Variants in EIF4G3 observed in about 807,000 individuals in gnomAD.
EIF4G3 encodes eukaryotic translation initiation factor 4 gamma 3.
A neutral mutation model predicts 186.4 loss-of-function variants in EIF4G3; 34 were observed. The observed-to-expected ratio is 0.18, with a 90% CI of 0.14 to 0.24. EIF4G3 has a LOEUF of 0.24. Ranked by LOEUF, EIF4G3 falls within the 10% of genes least tolerant of loss-of-function variation. The pLI is 1.00. For missense variants in EIF4G3, 1,536 were observed against 1,948.5 expected, an observed-to-expected ratio of 0.79 and a Z score of 3.99; for synonymous variants, 673 against 679.5, an observed-to-expected ratio of 0.99 and a Z score of 0.15.
At chr1:21,024,984 G>A (rs1219684913) in intron 4 of EIF4G3, among the ~76,000 whole-genome samples, 1 of 152,118 alleles carries the variant, frequency 6.6e-6, no homozygotes. Context: ...TTCTTCCTGG[G>A]AGAAGAGTTC....
At chr1:21,026,299 G>C (rs987948566) in intron 4 of EIF4G3, among the ~76,000 whole-genome samples, 20 of 152,104 alleles carry the variant, frequency 1.3e-4, no homozygotes. Context: ...ATGGGGAAAG[G>C]ACATTTTCAA....
At chr1:21,075,064 A>C (rs1255050287) in intron 3 of EIF4G3, among the ~76,000 whole-genome samples, 2 of 152,220 alleles carry the variant, frequency 1.3e-5, no homozygotes, top group Non-Finnish European at 2.9e-5. Context: ...GAAAACCAAC[A>C]AACTGAAATA....
chr1:20,891,495 G>A (rs751646895), intron 18 of EIF4G3, among the ~76,000 whole-genome samples: 9 of 151,888 alleles, frequency 5.9e-5, no homozygotes, highest in Non-Finnish European at 1.3e-4. Context: ...AAAATGGGCC[G>A]GGCACAGTGG....
intron 19 of EIF4G3, among the ~76,000 whole-genome samples, chr1:20,882,578 G>A (rs989657668): frequency 9.3e-5 from 14 of 150,736 alleles, no homozygotes; most frequent in Non-Finnish European, 1.3e-4. Flanking sequence ...CTGAGATCGC[G>A]TCACTGTACT....
At chr1:21,143,015 G>A (rs1331088533) in intron 2 of EIF4G3, among the ~76,000 whole-genome samples, 2 of 152,194 alleles carry the variant, frequency 1.3e-5, no homozygotes, top group East Asian at 1.9e-4. Context: ...CTGGGAGGCC[G>A]AGACAGGCAG....
chr1:20,912,612 C>A (rs12068655), intron 14 of EIF4G3, among the ~76,000 whole-genome samples: 3,378 of 152,274 alleles, frequency 0.022, 114 homozygotes, highest in African/African-American at 0.075. Flanking sequence ...GGTGCATTGC[C>A]ACAGAGTTGT....
At chr1:20,977,479 A>C (rs1177964020) in intron 10 of EIF4G3, among the ~76,000 whole-genome samples, 1 of 152,082 alleles carries the variant, frequency 6.6e-6, no homozygotes, top group Non-Finnish European at 1.5e-5. Context: ...GAGCCACCAC[A>C]CCCGGCCTTT....
At chr1:20,945,503 T>C (rs1054909020) in intron 13 of EIF4G3, among the ~76,000 whole-genome samples, 1 of 152,230 alleles carries the variant, frequency 6.6e-6, no homozygotes, top group African/African-American at 2.4e-5. Flanking sequence ...TCTTGCTCTG[T>C]CGCCTAGGCT....
intron 2 of EIF4G3, among the ~76,000 whole-genome samples, chr1:21,167,085 G>A (rs1018078339): frequency 4.6e-5 from 7 of 152,064 alleles, no homozygotes; most frequent in Admixed American, 3.9e-4. Context: ...ACCTGGCCAA[G>A]TTCTCCGACC....
intron 19 of EIF4G3, among the ~76,000 whole-genome samples, chr1:20,880,553 C>T (rs1425103965): frequency 6.6e-6 from 1 of 152,168 alleles, no homozygotes; most frequent in Non-Finnish European, 1.5e-5. Context: ...AGGTTCGAGA[C>T]CAGCCTGGCC....
chr1:20,943,457 T>C (rs1251484679), intron 13 of EIF4G3, among the ~76,000 whole-genome samples: 1 of 152,150 alleles, frequency 6.6e-6, no homozygotes, highest in Non-Finnish European at 1.5e-5. Flanking sequence ...TATTAATAAA[T>C]TCCAGGTAAA....
chr1:21,134,965 T>C (rs931091557), intron 2 of EIF4G3, among the ~76,000 whole-genome samples: 1 of 152,188 alleles, frequency 6.6e-6, no homozygotes, highest in African/African-American at 2.4e-5. Flanking sequence ...TCAAACCAGA[T>C]GTGCCACTTT....
chr1:20,920,767 G>T (rs973334856), intron 14 of EIF4G3, among the ~76,000 whole-genome samples: 3 of 151,322 alleles, frequency 2.0e-5, no homozygotes, highest in Non-Finnish European at 4.4e-5. Flanking sequence ...ATTAACCTCA[G>T]TTCTGGGCCT....
At chr1:20,849,631 T>C (rs2072593254) in intron 28 of EIF4G3, 101 bp from the exon 29 acceptor site, 2 of 502,082 alleles carry the variant, frequency 4.0e-6, no homozygotes, top group Non-Finnish European at 7.0e-6. Context: ...ATTATTTTAA[T>C]AGCTACAAGA....
intron 14 of EIF4G3, among the ~76,000 whole-genome samples, chr1:20,934,532 A>G (rs1284905471): frequency 2.0e-5 from 3 of 152,152 alleles, no homozygotes; most frequent in Admixed American, 2.0e-4. Context: ...CAGTGTCCTC[A>G]ATGTTCTCAA....
At chr1:20,858,228 G>T (rs2075503745) in intron 24 of EIF4G3, among the ~76,000 whole-genome samples, 1 of 152,120 alleles carries the variant, frequency 6.6e-6, no homozygotes, top group Non-Finnish European at 1.5e-5. Flanking sequence ...CAGAGAAAAA[G>T]AGAAGATTCC....
At chr1:21,157,348 G>A (rs187999411) in intron 2 of EIF4G3, among the ~76,000 whole-genome samples, 14 of 151,690 alleles carry the variant, frequency 9.2e-5, no homozygotes, top group Non-Finnish European at 1.8e-4. Context: ...TGAGAGTACT[G>A]TTTTTTTCTT....
At chr1:20,829,014 G>A (rs2064387657) in intron 31 of EIF4G3, 133 bp downstream of exon 31, 2 of 923,408 alleles carry the variant, frequency 2.2e-6, no homozygotes, top group Non-Finnish European at 3.3e-6. Context: ...GAAATCAGAA[G>A]TCTTAAAGAG....
intron 3 of EIF4G3, among the ~76,000 whole-genome samples, chr1:21,051,622 C>CAGGAAGACTGCTTAAG (rs1553176837): frequency 2.6e-5 from 4 of 152,148 alleles, no homozygotes; most frequent in Non-Finnish European, 5.9e-5. Flanking sequence ...GAGGCCAACA[C>CAGGAAGACTGCTTAAG]AGGAAGACTG....
Sources: gnomAD v4.1 joint callset for allele counts (sites outside exome capture counted in the v4.1 genomes callset) on GRCh38, gnomAD v4.1.1 for gene constraint, MANE v1.5 for transcripts, NCBI Gene and HGNC (gene_info 2026-07-23, HGNC 2026-07-21) for gene names.